The following SCN10A variants were observed in gnomAD, a reference collection of about 807,000 sequenced individuals.
SCN10A encodes the protein sodium channel protein type 10 subunit alpha.
A neutral mutation model predicts 170.7 loss-of-function variants in SCN10A; 162 were observed. The ratio of observed to expected loss-of-function variants is 0.95; its 90% CI spans 0.84 to 1.08. The LOEUF (loss-of-function observed/expected upper bound fraction) is 1.08. SCN10A is among the 50% of genes least tolerant of loss of function. The pLI, the probability that SCN10A is intolerant of heterozygous loss-of-function variation, is 0.00. For missense variants in SCN10A, 2,527 were observed against 2,436.9 expected (o/e 1.04, Z -0.78); for synonymous variants, 985 against 904.6 (o/e 1.09, Z -1.59).
Position 38,742,334 on chromosome 3 carries a change from C to A in SCN10A, c.2063G>T (p.Gly688Val). ...NTIFMAMEHH[G>V]MSPTFEAMLQ... ...CATGGCTTCGAAGGTAGGGCTCATGCCATGGTGCTCCATGGCCATGAAGAT... is the reference window on the plus strand; with the variant it reads ...CATGGCTTCGAAGGTAGGGCTCATGACATGGTGCTCCATGGCCATGAAGAT... Residue 688 changes from glycine (G) to valine (V), a missense_variant, in exon 14 of 28, where the codon GGC becomes GTC. Physicochemically the swap from Gly to Val is moderately radical, Grantham distance 109. Coordinates refer to ENST00000449082, the MANE Select transcript of SCN10A (RefSeq NM_006514.4). 6.2e-7 allele frequency: 1 copy of A among 1,614,042 alleles called. No homozygotes were observed. The highest frequency in any genetic ancestry group is 1.1e-5 in the South Asian group (1 of 91,074).
rs2063795332 is a variant in SCN10A at position 38,755,679 on chromosome 3, TC to T, written c.1461+108del. On this transcript the variant is annotated intron_variant, in intron 11 of 27. Transcript: ENST00000449082. ...GAGGGGTGTCTGGATCCTTTTAGGC[TC>T]TATGCCTCCAGCTCTTTCTCTGCCA... 60 of 1,307,352 alleles carry T rather than the reference TC, an allele frequency of 4.6e-5. 2 individuals are homozygous for T. The South Asian group carries it at 7.6e-4, about 17-fold the overall frequency. 81.0% of individuals were successfully genotyped at this position (1,307,352 alleles called of 1,614,324 possible).
chr3:38,755,530 T>C (rs2063794007), intron 11 of SCN10A, among the ~76,000 whole-genome samples: 1 of 152,048 alleles, frequency 6.6e-6, no homozygotes. Context: ...CAAATTGGAC[T>C]CCCCTTTCCT....
intron 24 of SCN10A, among the ~76,000 whole-genome samples, chr3:38,710,436 A>C (rs2063261185): frequency 1.3e-5 from 2 of 152,176 alleles, no homozygotes; most frequent in Non-Finnish European, 2.9e-5. Flanking sequence ...GATTACAGGC[A>C]TGAACCACTG....
At chr3:38,717,605 A>C (rs985654188) in intron 21 of SCN10A, among the ~76,000 whole-genome samples, 1 of 152,378 alleles carries the variant, frequency 6.6e-6, no homozygotes, top group East Asian at 1.9e-4. Flanking sequence ...TTGAATGCAC[A>C]GGCCTGCTAT....
Position 38,756,999 on chromosome 3 carries a change from G to C in SCN10A, c.1092+19C>G, listed in dbSNP as rs2063815082. The C allele has an allele frequency of 6.2e-7, 1 of 1,604,816 alleles. No homozygotes were observed. The highest frequency in any genetic ancestry group is 8.5e-7 in the Non-Finnish European group (1 of 1,175,574). On this transcript the variant is annotated intron_variant, in intron 9 of 27. Transcript: ENST00000449082. ...ACCAGCCTCCAACCAAGTCTGCGTG[G>C]GGGAATGCAGCTCAGTACCTGCTGG...
rs191624001 is a variant in SCN10A at position 38,701,981 on chromosome 3, C to T, written c.4515G>A (p.Thr1505=). Residue 1505 remains threonine (T), a synonymous_variant, in exon 27 of 28, where the codon ACG becomes ACA. Transcript: ENST00000449082. The part of the protein sequence containing the change: ...VETDDQSEEK[T]KILGKINQFF... Reference sequence around the variant, plus strand: ...ACTGGTTGATTTTGCCCAGAATTTTCGTCTTTTCTTCACTTTGGTCATCAG... The same window carrying T: ...ACTGGTTGATTTTGCCCAGAATTTTTGTCTTTTCTTCACTTTGGTCATCAG... 1.0e-4 allele frequency: 162 copies of T among 1,614,164 alleles called. No individual in the cohort carries two copies. In the East Asian group the frequency reaches 1.6e-3, roughly 16 times the overall value.
intron 1 of SCN10A, among the ~76,000 whole-genome samples, 172 bp from the exon 2 acceptor site, chr3:38,794,214 A>G (rs563483716): frequency 6.6e-6 from 1 of 152,042 alleles, no homozygotes; most frequent in Non-Finnish European, 1.5e-5. Flanking sequence ...CAAGGCATTC[A>G]GGGGAGGCTG....
intron 7 of SCN10A, 83 bp downstream of exon 7, chr3:38,761,109 C>T: frequency 8.9e-7 from 1 of 1,120,864 alleles, no homozygotes; most frequent in Non-Finnish European, 1.3e-6. Context: ...TATACACACA[C>T]ACAGGGGCTC....
At position 38,698,172 on chromosome 3, in the gene SCN10A, G is replaced by A. The variant is rs763674655; in HGVS notation, c.5048C>T (p.Pro1683Leu). The A allele has an allele frequency of 9.3e-6, 15 of 1,614,060 alleles. No homozygotes were observed. The Admixed American group carries it at 1.2e-4, about 13-fold the overall frequency. The change falls in exon 28 of 28, where the codon CCC (proline) becomes CTC (leucine). Residue 1683 changes from proline to leucine, a missense_variant. Pro to Leu is a moderately conservative substitution (Grantham distance 98). Transcript: ENST00000449082. ...GTCCCCTCTGGTGCCATTGCTGTTGGGCAGATTGGGGTCACAGTAGGGGGG... is the reference window on the plus strand; with the variant it reads ...GTCCCCTCTGGTGCCATTGCTGTTGAGCAGATTGGGGTCACAGTAGGGGGG... ...TGPPYCDPNL[P>L]NSNGTRGDCG... is the part of the protein sequence containing the mutation.
chr3:38,771,251 A>G (rs751895172), intron 5 of SCN10A, 28 bp downstream of exon 5: 83 of 1,611,538 alleles, frequency 5.2e-5, no homozygotes, highest in Middle Eastern at 4.9e-4. Context: ...CCTATCACAC[A>G]TGCAGATCTG....
At chr3:38,813,480 T>C (rs1047581380) in intron 1 of SCN10A, among the ~76,000 whole-genome samples, 3 of 152,236 alleles carry the variant, frequency 2.0e-5, no homozygotes, top group Non-Finnish European at 2.9e-5. Flanking sequence ...TAGGCTAACC[T>C]TTTTGTGCAT....
intron 15 of SCN10A, among the ~76,000 whole-genome samples, chr3:38,736,210 C>T (rs780617288): frequency 6.6e-5 from 10 of 152,162 alleles, no homozygotes; most frequent in Admixed American, 2.6e-4. Flanking sequence ...GTGGGCAAGA[C>T]GGAGACTGGT....
intron 20 of SCN10A, 82 bp from the exon 21 acceptor site, chr3:38,718,908 C>A: frequency 2.3e-6 from 3 of 1,305,754 alleles, no homozygotes; most frequent in Non-Finnish European, 3.2e-6. Context: ...AGGACCCAGC[C>A]AGCCCTGACC....
intron 16 of SCN10A, among the ~76,000 whole-genome samples, chr3:38,728,265 G>C (rs1372274890): frequency 1.3e-5 from 2 of 152,180 alleles, no homozygotes; most frequent in Non-Finnish European, 2.9e-5. Context: ...AGGAGATTAA[G>C]TCTCTTGCCT....
chr3:38,706,714 A>C (rs1392593427), intron 26 of SCN10A, among the ~76,000 whole-genome samples: 1 of 152,168 alleles, frequency 6.6e-6, no homozygotes, highest in African/African-American at 2.4e-5. Flanking sequence ...TTTATGAAAA[A>C]AGGAGTGAAA....
chr3:38,750,007 C>A, intron 13 of SCN10A, 66 bp downstream of exon 13: 1 of 865,974 alleles, frequency 1.2e-6, no homozygotes, highest in East Asian at 2.5e-5. Context: ...AGAGACATTG[C>A]TTCTGCTGCT....
chr3:38,788,842 T>G (rs746507836), intron 4 of SCN10A, 114 bp downstream of exon 4: 25 of 687,868 alleles, frequency 3.6e-5, no homozygotes, highest in Non-Finnish European at 6.4e-5. Flanking sequence ...GACAATGAGA[T>G]TCAGCATTAC....
chr3:38,707,825 A>G (rs1278041782), intron 25 of SCN10A, among the ~76,000 whole-genome samples: 5 of 152,232 alleles, frequency 3.3e-5, no homozygotes, highest in South Asian at 4.1e-4. Context: ...GAAGCCCTCA[A>G]ATCTTTTCTG....
At chr3:38,779,046 A>C (rs1237603024) in intron 4 of SCN10A, among the ~76,000 whole-genome samples, 3 of 151,606 alleles carry the variant, frequency 2.0e-5, no homozygotes, top group African/African-American at 7.3e-5. Context: ...ATATCTCAAA[A>C]ATTAAAATGT....
Sources: allele counts gnomAD v4.1 joint callset (sites outside exome capture counted in the v4.1 genomes callset), GRCh38; gene constraint gnomAD v4.1.1; transcripts MANE v1.5; gene names NCBI Gene and HGNC (gene_info 2026-07-23, HGNC 2026-07-21).